PARP8: variants seen among roughly 807,000 people sequenced by gnomAD.
PARP8 encodes protein mono-ADP-ribosyltransferase PARP8.
PARP8 carries 51 observed loss-of-function variants against 124.1 expected under a neutral mutation model. That is an observed-to-expected ratio of 0.41 (90% confidence interval 0.33 to 0.52). The LOEUF is 0.52. Among genes scored for constraint, PARP8 ranks in the 20% least tolerant of loss-of-function variants. The probability of loss-of-function intolerance (pLI) is 0.21; values close to 1 mark genes in which losing one functional copy is unlikely to be tolerated. For synonymous variants in PARP8, 391 were observed against 361.5 expected (o/e 1.08, Z -0.93); for missense variants, 860 against 1,018.9 (o/e 0.84, Z 2.12).
chr5:50,746,028 C>A (rs1440815879), intron 2 of PARP8, among the ~76,000 whole-genome samples: 1 of 152,140 alleles, frequency 6.6e-6, no homozygotes, highest in Non-Finnish European at 1.5e-5. Flanking sequence ...CATTCTTATT[C>A]CCAATACATA....
rs1362939425 is a variant in PARP8 at position 50,843,183 on chromosome 5, G to A, written c.*1115G>A. On this transcript the variant is annotated 3_prime_UTR_variant, in exon 26 of 26. Transcript: ENST00000281631. ...AGCTCTCAGCATTTCCTTTTCAAGAGTCATAATTTCATCAAAATCATTTCT... is the reference window on the plus strand; with the variant it reads ...AGCTCTCAGCATTTCCTTTTCAAGAATCATAATTTCATCAAAATCATTTCT... 1 of 151,582 alleles carries A rather than the reference G, an allele frequency of 6.6e-6. No homozygotes were observed. Among genetic ancestry groups the A allele is most frequent in the East Asian group, 1.9e-4 (1 of 5,154 alleles). The allele number at this position is 151,582 out of a possible 1,614,324, so 9.4% of individuals were successfully genotyped here.
intron 2 of PARP8, among the ~76,000 whole-genome samples, chr5:50,677,314 C>CA (rs35154231): frequency 0.03 from 3,916 of 128,922 alleles, 181 homozygotes; most frequent in African/African-American, 0.11. Flanking sequence ...AGATATGCAG[C>CA]AAAAAAAAAA....
At chr5:50,744,925 G>A in intron 2 of PARP8, 1 of 589,554 alleles carries the variant, frequency 1.7e-6, no homozygotes, top group Non-Finnish European at 3.0e-6. Flanking sequence ...ACAGTACTCT[G>A]CAATCTACTT....
rs1232652241 is a variant in PARP8 at position 50,795,133 on chromosome 5, C to T, written c.1144C>T (p.His382Tyr). 1.9e-6 allele frequency: 3 copies of T among 1,614,220 alleles called. No individual in the cohort carries two copies. Among genetic ancestry groups the T allele is most frequent in the Admixed American group, 1.7e-5 (1 of 60,032 alleles). Residue 382 changes from histidine (H) to tyrosine (Y), a missense_variant, in exon 12 of 26, where the codon CAT (histidine) becomes TAT (tyrosine). Transcript: ENST00000281631. ...KSEECLTLKSHRLLTRSCSGD... is the reference protein window; with the variant it reads ...KSEECLTLKSYRLLTRSCSGD... ...AGAGGAATGCCTAACTCTAAAGTCG[C>T]ATAGACTATTGACTCGATCTTGTTC...
chr5:50,687,285 C>T (rs1369785141), intron 2 of PARP8, among the ~76,000 whole-genome samples: 2 of 152,154 alleles, frequency 1.3e-5, no homozygotes, highest in Admixed American at 6.6e-5. Context: ...TAAAACGTAA[C>T]GAGTCACCTT....
chr5:50,763,447 TA>T (rs1252858332), intron 7 of PARP8, among the ~76,000 whole-genome samples: 4 of 152,240 alleles, frequency 2.6e-5, no homozygotes, highest in African/African-American at 9.6e-5. Flanking sequence ...TTGATTGCAT[TA>T]AAAATTATTT....
chr5:50,795,292 A>G lies in PARP8; in HGVS notation c.1303A>G (p.Ser435Gly). The G allele has an allele frequency of 1.2e-6, 2 of 1,614,190 alleles. No homozygotes were observed. The highest frequency in any genetic ancestry group is 2.7e-5 in the African/African-American group (2 of 75,054). The change falls in exon 12 of 26, where the codon AGT (serine) becomes GGT (glycine). Residue 435 changes from serine (S) to glycine (G), a missense_variant. Physicochemically the swap from Ser to Gly is moderately conservative, Grantham distance 56 (BLOSUM62 0). Coordinates refer to ENST00000281631, the MANE Select transcript of PARP8 (RefSeq NM_024615.4). ...NHKLLSKSYS[S>G]APKSSKTELF... is the part of the protein sequence containing the mutation. The stretch of plus-strand genomic sequence containing the variant: ...CAAATTGCTCAGCAAGTCCTACTCC[A>G]GTGCCCCCAAGTCATCCAAAACTGA...
intron 2 of PARP8, among the ~76,000 whole-genome samples, chr5:50,712,969 T>C (rs1443153692): frequency 6.6e-6 from 1 of 151,972 alleles, no homozygotes; most frequent in Non-Finnish European, 1.5e-5. Context: ...GATGTAATAA[T>C]AACAACTAAA....
chr5:50,742,385 G>A (rs751308106), intron 2 of PARP8, among the ~76,000 whole-genome samples: 1 of 152,196 alleles, frequency 6.6e-6, no homozygotes, highest in Non-Finnish European at 1.5e-5. Context: ...CAAATGGAGT[G>A]TGGGTTTATG....
At chr5:50,741,203 C>G (rs1207098272) in intron 2 of PARP8, among the ~76,000 whole-genome samples, 1 of 152,112 alleles carries the variant, frequency 6.6e-6, no homozygotes, top group Admixed American at 6.5e-5. Context: ...AGATATTAAA[C>G]TTTCGGGATG....
rs1217054411 is a variant in PARP8, at chr5:50,795,057, A to T, written c.1068A>T (p.Ala356=). ...SDPRAEQAMT[A]IKSHKLLNRP... is the part of the protein sequence containing the mutation. ...CCAGGGCGGAGCAGGCTATGACAGC[A>T]ATTAAATCGCACAAACTTTTGAACC... Residue 356 remains alanine (A), a synonymous_variant, in exon 12 of 26, where the codon GCA becomes GCT. Transcript: ENST00000281631. 1 of 1,614,194 alleles carries T rather than the reference A, an allele frequency of 6.2e-7. No homozygotes were observed.
chr5:50,795,366 A>G lies in PARP8; in HGVS notation c.1377A>G (p.Ser459=), dbSNP rs757488010. 1.9e-6 allele frequency: 3 copies of G among 1,613,450 alleles called. No individual in the cohort carries two copies. Among genetic ancestry groups the G allele is most frequent in the South Asian group, 2.2e-5 (2 of 91,020 alleles). ...NAEGRRLSLT[S]GLIGILTPSS... ...AGGGCAGGAGGCTCTCTCTTACCTCAGGGCTTATTGGTATCCTAACACCAT... is the reference window on the plus strand; with the variant it reads ...AGGGCAGGAGGCTCTCTCTTACCTCGGGGCTTATTGGTATCCTAACACCAT... The change falls in exon 12 of 26, where the codon TCA becomes TCG. Residue 459 remains serine, a synonymous_variant. Transcript: ENST00000281631.
rs539350883 is a variant in PARP8 at position 50,812,785 on chromosome 5, G to T, written c.1576-2647G>T. On this transcript the variant is annotated intron_variant, in intron 14 of 25. Coordinates refer to ENST00000281631, the MANE Select transcript of PARP8 (RefSeq NM_024615.4). ...TAATTTTTGTATAAGGTGTAAGGAA[G>T]GGATCCAGTTTCAGCTTTCTAAATA... Among the ~76,000 whole-genome samples, 6 of 152,260 alleles carry T rather than the reference G, an allele frequency of 3.9e-5. No individual in the cohort carries two copies. The East Asian group carries it at 1.2e-3, about 29-fold the overall frequency.
intron 2 of PARP8, among the ~76,000 whole-genome samples, chr5:50,677,434 G>C (rs1292918221): frequency 2.0e-5 from 3 of 151,908 alleles, no homozygotes; most frequent in Non-Finnish European, 4.4e-5. Flanking sequence ...AGTTAACTAA[G>C]ACAAAGTTTG....
chr5:50,814,336 G>T (rs1164083215), intron 14 of PARP8, among the ~76,000 whole-genome samples: 1 of 151,560 alleles, frequency 6.6e-6, no homozygotes, highest in African/African-American at 2.4e-5. Flanking sequence ...TAAAGGAAAA[G>T]TTGTTGAAAT....
intron 2 of PARP8, chr5:50,742,092 G>T (rs1286890765): frequency 8.4e-6 from 2 of 237,090 alleles, no homozygotes; most frequent in Admixed American, 5.3e-5. Flanking sequence ...TTACAGGCGT[G>T]AGCCACCGCC....
At chr5:50,676,134 T>G (rs1750610032) in intron 2 of PARP8, among the ~76,000 whole-genome samples, 1 of 152,244 alleles carries the variant, frequency 6.6e-6, no homozygotes, top group South Asian at 2.1e-4. Flanking sequence ...TTGGGGTTTT[T>G]CAGACTTACT....
chr5:50,765,221 C>T (rs1013736156), intron 7 of PARP8, among the ~76,000 whole-genome samples: 2 of 151,406 alleles, frequency 1.3e-5, no homozygotes, highest in African/African-American at 4.9e-5. Context: ...GAGATCGTGG[C>T]ATTGCACTCC....
intron 3 of PARP8, among the ~76,000 whole-genome samples, chr5:50,752,036 T>G (rs1002275772): frequency 2.6e-5 from 4 of 152,122 alleles, no homozygotes; most frequent in Non-Finnish European, 4.4e-5. Flanking sequence ...AGTTGGCAGC[T>G]TTGTCCCTTT....
Sources: allele counts gnomAD v4.1 joint callset (sites outside exome capture counted in the v4.1 genomes callset), GRCh38; gene constraint gnomAD v4.1.1; transcripts MANE v1.5; gene names NCBI Gene and HGNC (gene_info 2026-07-23, HGNC 2026-07-21).